The following DPP10 variants were observed in gnomAD, a reference collection of about 807,000 sequenced individuals.
DPP10 encodes dipeptidyl peptidase like 10.
A neutral mutation model predicts 120.9 loss-of-function variants in DPP10; 33 were observed. That is an observed-to-expected ratio of 0.27 (90% CI 0.21 to 0.37). The LOEUF (loss-of-function observed/expected upper bound fraction) is 0.37. Among genes scored for constraint, DPP10 ranks in the 10% least tolerant of loss-of-function variants. DPP10 has a pLI of 1.00. For missense variants in DPP10, 816 were observed against 942.8 expected, an observed-to-expected ratio of 0.87 and a Z score of 1.76; for synonymous variants, 337 against 326.1, an observed-to-expected ratio of 1.03 and a Z score of -0.36.
chr2:115,593,288 A>G (rs7355632), intron 5 of DPP10, among the ~76,000 whole-genome samples: 150,412 of 152,220 alleles, frequency 0.99, 74,341 homozygotes, highest in East Asian at 1. Flanking sequence ...AGGTTGATGC[A>G]TGGCACGGTG....
chr2:114,625,904 T>C (rs1694472399), intron 1 of DPP10, among the ~76,000 whole-genome samples: 1 of 151,896 alleles, frequency 6.6e-6, no homozygotes, highest in Non-Finnish European at 1.5e-5. Flanking sequence ...ATAGAACCTA[T>C]CTAGAGACCA....
intron 1 of DPP10, among the ~76,000 whole-genome samples, chr2:114,646,675 A>G (rs761422554): frequency 6.6e-6 from 1 of 152,160 alleles, no homozygotes; most frequent in Non-Finnish European, 1.5e-5. Flanking sequence ...AAGCATATAT[A>G]TGCTATTTCC....
At chr2:114,778,006 A>T (rs1428390312) in intron 1 of DPP10, among the ~76,000 whole-genome samples, 1 of 152,112 alleles carries the variant, frequency 6.6e-6, no homozygotes, top group Non-Finnish European at 1.5e-5. Context: ...TAGTTAGCTG[A>T]CATTCTGGAT....
chr2:114,518,735 A>T (rs568749951), intron 1 of DPP10, among the ~76,000 whole-genome samples: 120 of 152,310 alleles, frequency 7.9e-4, no homozygotes, highest in Non-Finnish European at 1.5e-3. Context: ...GTTCCAGGTG[A>T]TTCGTGTGCA....
intron 1 of DPP10, among the ~76,000 whole-genome samples, chr2:114,984,640 T>A (rs1055754607): frequency 2.0e-5 from 3 of 151,938 alleles, no homozygotes; most frequent in African/African-American, 7.3e-5. Context: ...AATAAATAAA[T>A]AAAACAGGAT....
At chr2:114,619,281 C>T (rs1693905021) in intron 1 of DPP10, among the ~76,000 whole-genome samples, 1 of 151,814 alleles carries the variant, frequency 6.6e-6, no homozygotes, top group Non-Finnish European at 1.5e-5. Context: ...CAGTTGAAAA[C>T]ATGCAAATAC....
intron 12 of DPP10, among the ~76,000 whole-genome samples, chr2:115,767,293 A>G (rs1313266868): frequency 2.6e-5 from 4 of 152,082 alleles, no homozygotes; most frequent in Non-Finnish European, 5.9e-5. Context: ...AGTCATCTAA[A>G]AGGGCTTGAA....
chr2:114,961,644 G>T (rs1017787063), intron 1 of DPP10, among the ~76,000 whole-genome samples: 1 of 152,136 alleles, frequency 6.6e-6, no homozygotes, highest in Non-Finnish European at 1.5e-5. Context: ...ATAACTAAGG[G>T]TATGGAATGT....
intron 1 of DPP10, among the ~76,000 whole-genome samples, chr2:114,917,919 C>A (rs1274107681): frequency 6.6e-6 from 1 of 152,004 alleles, no homozygotes; most frequent in Non-Finnish European, 1.5e-5. Flanking sequence ...ATGACAAAGA[C>A]CCCAAAGCAA....
At chr2:115,325,403 A>G (rs1392626368) in intron 2 of DPP10, among the ~76,000 whole-genome samples, 1 of 152,178 alleles carries the variant, frequency 6.6e-6, no homozygotes, top group Non-Finnish European at 1.5e-5. Flanking sequence ...GATATTACCA[A>G]ATAGAAAAGA....
intron 1 of DPP10, among the ~76,000 whole-genome samples, chr2:115,219,458 A>G (rs1035770693): frequency 6.6e-6 from 1 of 152,102 alleles, no homozygotes; most frequent in Non-Finnish European, 1.5e-5. Flanking sequence ...ACATATACAA[A>G]TACATATGTA....
At chr2:115,073,916 A>C (rs1707574899) in intron 1 of DPP10, among the ~76,000 whole-genome samples, 1 of 152,246 alleles carries the variant, frequency 6.6e-6, no homozygotes, top group African/African-American at 2.4e-5. Context: ...AGTTAAGGGA[A>C]AGTGATTAAA....
intron 1 of DPP10, among the ~76,000 whole-genome samples, chr2:114,823,665 T>C (rs1298906560): frequency 1.3e-5 from 2 of 152,118 alleles, no homozygotes; most frequent in African/African-American, 4.8e-5. Flanking sequence ...AACTGGTATG[T>C]AACACTTCTG....
Position 115,784,510 on chromosome 2 carries a change from T to A in DPP10, c.1531+2111T>A, listed in dbSNP as rs866244093. Among the ~76,000 whole-genome samples, 23 of 152,320 alleles carry A rather than the reference T, an allele frequency of 1.5e-4. No homozygotes were observed. In the Middle Eastern group the frequency reaches 0.01, roughly 68 times the overall value. On this transcript the variant is annotated intron_variant, in intron 17 of 25. Coordinates refer to ENST00000410059, the MANE Select transcript of DPP10 (RefSeq NM_020868.6). ...TGTGGTAGAAATGTTAATTATAACA[T>A]ATTAAAAATAATAGTCAAAACTTAT...
intron 1 of DPP10, among the ~76,000 whole-genome samples, chr2:114,478,233 G>A (rs191903490): frequency 5.1e-4 from 77 of 152,170 alleles, no homozygotes; most frequent in African/African-American, 1.6e-3. Flanking sequence ...GATCAAGTGA[G>A]ATTTATTCCA....
intron 1 of DPP10, among the ~76,000 whole-genome samples, chr2:114,737,990 G>A (rs946425597): frequency 1.3e-5 from 2 of 152,158 alleles, no homozygotes; most frequent in Admixed American, 1.3e-4. Flanking sequence ...AGTATGGCTG[G>A]GAAGCCTTAG....
chr2:115,014,210 A>G (rs966324428), intron 1 of DPP10, among the ~76,000 whole-genome samples: 1 of 152,204 alleles, frequency 6.6e-6, no homozygotes, highest in Non-Finnish European at 1.5e-5. Context: ...CCGCACAACT[A>G]CATGGAAACT....
At chr2:114,774,826 C>T (rs541155368) in intron 1 of DPP10, among the ~76,000 whole-genome samples, 79 of 151,832 alleles carry the variant, frequency 5.2e-4, no homozygotes, top group African/African-American at 1.8e-3. Flanking sequence ...GCATGAAATT[C>T]AGTTACGTCT....
At chr2:114,589,142 G>C (rs1691251992) in intron 1 of DPP10, among the ~76,000 whole-genome samples, 1 of 152,054 alleles carries the variant, frequency 6.6e-6, no homozygotes, top group Non-Finnish European at 1.5e-5. Flanking sequence ...GAGTGTTGAA[G>C]GCAGGGGAAG....
Sources: allele counts gnomAD v4.1 joint callset (sites outside exome capture counted in the v4.1 genomes callset), GRCh38; gene constraint gnomAD v4.1.1; transcripts MANE v1.5; gene names NCBI Gene and HGNC (gene_info 2026-07-23, HGNC 2026-07-21).